Variants in TTC28 observed in about 807,000 individuals in gnomAD.
The protein encoded by TTC28 is tetratricopeptide repeat protein 28.
Under a neutral mutation model 198.0 loss-of-function variants are expected in TTC28, and 61 were observed. The ratio of observed to expected loss-of-function variants is 0.31; its 90% CI spans 0.25 to 0.38. TTC28 has a LOEUF of 0.38. TTC28 is among the 10% of genes least tolerant of loss of function. The probability of loss-of-function intolerance (pLI) is 1.00; values close to 1 mark genes in which losing one functional copy is unlikely to be tolerated. For synonymous variants in TTC28, 1,171 were observed against 1,297.8 expected, an observed-to-expected ratio of 0.90 and a Z score of 2.10; for missense variants, 2,678 against 3,164.0, an observed-to-expected ratio of 0.85 and a Z score of 3.69.
At chr22:28,002,604 G>GT (rs67476017) in intron 14 of TTC28, 102 of 148,706 alleles carry the variant, frequency 6.9e-4, no homozygotes, top group East Asian at 1.8e-3. Flanking sequence ...AACCCATATG[G>GT]TTTTTTTTTT....
chr22:28,128,618 A>AC (rs1287177483), intron 6 of TTC28, among the ~76,000 whole-genome samples: 5 of 152,006 alleles, frequency 3.3e-5, no homozygotes, highest in African/African-American at 7.2e-5. Context: ...GTTCAATGCA[A>AC]CCACTGCCTC....
At chr22:28,579,049 G>T (rs1016445773) in intron 2 of TTC28, among the ~76,000 whole-genome samples, 2 of 150,628 alleles carry the variant, frequency 1.3e-5, no homozygotes, top group African/African-American at 4.9e-5. Flanking sequence ...TATATATGTA[G>T]TTATATGTTT....
At chr22:28,131,270 A>G (rs535237545) in intron 6 of TTC28, among the ~76,000 whole-genome samples, 2 of 152,236 alleles carry the variant, frequency 1.3e-5, no homozygotes, top group African/African-American at 4.8e-5. Flanking sequence ...GCTGAAGATC[A>G]GTCCCCTATT....
In TTC28 at chr22:28,001,514, G is replaced by GC; in HGVS notation, c.4257dup (p.Gln1420AlafsTer25). On this transcript the variant is annotated frameshift_variant, in exon 15 of 23. Transcript: ENST00000397906. LOFTEE classifies it high-confidence loss of function. ...TCCCCCTCCAGAACCAGGATGAGCT[G>GC]CCGGTGCCGGCCCACGGGGCCGCTG... 1 of 1,551,338 alleles carries GC rather than the reference G, an allele frequency of 6.4e-7. No homozygotes were observed. The highest frequency in any genetic ancestry group is 8.7e-7 in the Non-Finnish European group (1 of 1,146,922).
At chr22:28,272,134 A>T (rs571006430) in intron 5 of TTC28, among the ~76,000 whole-genome samples, 2 of 152,334 alleles carry the variant, frequency 1.3e-5, no homozygotes, top group African/African-American at 4.8e-5. Flanking sequence ...AAAAGGGATT[A>T]AAAAACAAAC....
At chr22:28,496,189 G>T (rs746135884) in intron 2 of TTC28, among the ~76,000 whole-genome samples, 1 of 151,710 alleles carries the variant, frequency 6.6e-6, no homozygotes, top group Non-Finnish European at 1.5e-5. Context: ...TCAGTCCTTG[G>T]GCCCCTTTAC....
intron 2 of TTC28, among the ~76,000 whole-genome samples, chr22:28,489,266 A>G (rs1388495215): frequency 6.6e-6 from 1 of 150,604 alleles, no homozygotes; most frequent in Non-Finnish European, 1.5e-5. Context: ...CCTGGGTGAC[A>G]GAGCAAGATC....
intron 12 of TTC28, among the ~76,000 whole-genome samples, chr22:28,069,642 T>C (rs930694732): frequency 6.6e-6 from 1 of 152,212 alleles, no homozygotes; most frequent in African/African-American, 2.4e-5. Flanking sequence ...AAGTATTATA[T>C]AGAATCTGGA....
chr22:28,080,113 G>A (rs968106432), intron 12 of TTC28, among the ~76,000 whole-genome samples: 4 of 151,926 alleles, frequency 2.6e-5, no homozygotes, highest in South Asian at 2.1e-4. Flanking sequence ...TGGACTTTTC[G>A]GTTGCTCCTA....
At chr22:28,174,474 T>A (rs1922968366) in intron 5 of TTC28, among the ~76,000 whole-genome samples, 1 of 152,152 alleles carries the variant, frequency 6.6e-6, no homozygotes, top group African/African-American at 2.4e-5. Flanking sequence ...CCAGTGATGG[T>A]CAAAAATGTC....
chr22:28,657,021 C>A (rs9625525), intron 1 of TTC28, among the ~76,000 whole-genome samples: 15,177 of 151,956 alleles, frequency 0.1, 862 homozygotes, highest in African/African-American at 0.12. Context: ...TACACACACA[C>A]AAAAAAAGAA....
chr22:28,137,412 G>T (rs944626247), intron 6 of TTC28, among the ~76,000 whole-genome samples: 2 of 152,068 alleles, frequency 1.3e-5, no homozygotes, highest in African/African-American at 4.8e-5. Context: ...TCGCTTCTCA[G>T]AAGCGTACAG....
At chr22:28,338,908 T>A (rs1202828788) in intron 2 of TTC28, among the ~76,000 whole-genome samples, 1 of 152,216 alleles carries the variant, frequency 6.6e-6, no homozygotes, top group African/African-American at 2.4e-5. Context: ...TTTGTTCCGT[T>A]CCTGGTAAGG....
At chr22:28,167,534 C>T (rs908595925) in intron 5 of TTC28, among the ~76,000 whole-genome samples, 7 of 152,144 alleles carry the variant, frequency 4.6e-5, no homozygotes, top group African/African-American at 9.7e-5. Flanking sequence ...AATCAATAAA[C>T]GTAAGCCATC....
At chr22:28,215,042 A>C (rs1218763861) in intron 5 of TTC28, among the ~76,000 whole-genome samples, 1 of 152,144 alleles carries the variant, frequency 6.6e-6, no homozygotes, top group Admixed American at 6.5e-5. Flanking sequence ...ACAGAAAACC[A>C]AACACCACAT....
At chr22:28,661,945 C>G (rs184629320) in intron 1 of TTC28, among the ~76,000 whole-genome samples, 10 of 152,216 alleles carry the variant, frequency 6.6e-5, no homozygotes, top group Admixed American at 5.9e-4. Context: ...CACACTATGT[C>G]ACCCAGGCTG....
intron 22 of TTC28, 102 bp from the exon 23 acceptor site, chr22:27,983,953 A>T (rs1275233680): frequency 1.5e-5 from 19 of 1,228,808 alleles, no homozygotes; most frequent in Non-Finnish European, 4.4e-6. Flanking sequence ...GAAGCTAGCA[A>T]AGAATTATGC....
intron 2 of TTC28, among the ~76,000 whole-genome samples, chr22:28,578,741 G>A (rs982170687): frequency 1.3e-5 from 2 of 152,144 alleles, no homozygotes; most frequent in African/African-American, 4.8e-5. Flanking sequence ...GTGTTTTGGG[G>A]GAAGGGAGAG....
chr22:28,353,951 G>C (rs2145939707), intron 2 of TTC28, among the ~76,000 whole-genome samples: 1 of 152,226 alleles, frequency 6.6e-6, no homozygotes, highest in East Asian at 1.9e-4. Flanking sequence ...TTAGTTATTA[G>C]AAAAATGCAA....
Sources: allele counts gnomAD v4.1 joint callset (sites outside exome capture counted in the v4.1 genomes callset), GRCh38; gene constraint gnomAD v4.1.1; transcripts MANE v1.5; gene names NCBI Gene and HGNC (gene_info 2026-07-23, HGNC 2026-07-21).